Variants in CR1 observed in about 807,000 individuals in gnomAD.
CR1 encodes complement C3b/C4b receptor 1 (Knops blood group).
CR1 carries 116 observed loss-of-function variants against 187.3 expected under a neutral mutation model. That is an observed-to-expected ratio of 0.62 (90% confidence interval 0.53 to 0.72). The LOEUF (loss-of-function observed/expected upper bound fraction) is 0.72. CR1 is among the 30% of genes least tolerant of loss of function. The probability of loss-of-function intolerance (pLI) is 0.00; values close to 1 mark genes in which losing one functional copy is unlikely to be tolerated. For missense variants in CR1, 1,731 were observed against 2,110.7 expected (o/e 0.82, Z 3.52); for synonymous variants, 576 against 747.1 (o/e 0.77, Z 3.73).
chr1:207,587,492 G>A lies in CR1; in HGVS notation c.5637G>A (p.Gly1879=). 6.2e-7 allele frequency: 1 copy of A among 1,613,974 alleles called. No homozygotes were observed. Residue 1879 remains glycine (G), a synonymous_variant, in exon 34 of 47, where the codon GGG becomes GGA. Transcript: ENST00000367049. ...CTTTGAATTATGAATGCCGTCCTGG[G>A]TATTTTGGGAAAATGTTCTCTATCT... ...GTSLNYECRP[G]YFGKMFSISC...
At chr1:207,616,275 G>C (rs1182704769) in intron 40 of CR1, among the ~76,000 whole-genome samples, 1 of 152,076 alleles carries the variant, frequency 6.6e-6, no homozygotes, top group South Asian at 2.1e-4. Flanking sequence ...AGTTAAAGTA[G>C]ACAACCAAAT....
intron 35 of CR1, among the ~76,000 whole-genome samples, chr1:207,601,638 GT>G (rs1661608956): frequency 6.6e-6 from 1 of 152,084 alleles, no homozygotes. Flanking sequence ...GCTGAAGTCA[GT>G]TTGATTTACA....
At chr1:207,582,451 A>G (rs529595062) in intron 32 of CR1, among the ~76,000 whole-genome samples, 1 of 152,350 alleles carries the variant, frequency 6.6e-6, no homozygotes, top group South Asian at 2.1e-4. Flanking sequence ...AACAAGACAG[A>G]TAAGTCCATG....
Position 207,614,298 on chromosome 1 carries a change from A to G in CR1, c.6576-106A>G, listed in dbSNP as rs546439932. 11 of 830,550 alleles carry G rather than the reference A, an allele frequency of 1.3e-5. No individual in the cohort carries two copies. In the African/African-American group the frequency reaches 1.9e-4, roughly 14 times the overall value. The allele number at this position is 830,550 out of a possible 1,614,324, so 51.4% of individuals were successfully genotyped here. A position where few individuals can be genotyped will look rare whatever the true frequency, so the allele number is the denominator to read the frequency against. On this transcript the variant is annotated intron_variant, in intron 39 of 46. Transcript: ENST00000367049. ...GGCCTGAACCTAAGACCTAAATGAT[A>G]GTCGAGGAGGAAATGGTAGTGAGGA... is the stretch of plus-strand genomic sequence containing the variant.
At chr1:207,518,336 T>C (rs892214153) in intron 4 of CR1, among the ~76,000 whole-genome samples, 3 of 152,240 alleles carry the variant, frequency 2.0e-5, no homozygotes, top group Non-Finnish European at 1.5e-5. Flanking sequence ...AAATGTTACA[T>C]ATGCACTTGA....
At chr1:207,525,088 A>G (rs1660127078) in intron 5 of CR1, among the ~76,000 whole-genome samples, 1 of 152,066 alleles carries the variant, frequency 6.6e-6, no homozygotes, top group South Asian at 2.1e-4. Context: ...CAGAGGTGCT[A>G]CACACTTTGG....
chr1:207,504,584 C>T (rs769819298), intron 1 of CR1, among the ~76,000 whole-genome samples: 17 of 152,034 alleles, frequency 1.1e-4, no homozygotes, highest in Non-Finnish European at 1.5e-5. Context: ...ATTGGATTCA[C>T]TGACCTTGTT....
chr1:207,589,532 C>T (rs531807439), intron 35 of CR1, among the ~76,000 whole-genome samples: 3 of 152,218 alleles, frequency 2.0e-5, no homozygotes, highest in African/African-American at 7.2e-5. Flanking sequence ...CTGAAAATTC[C>T]CGAAACCAGA....
intron 1 of CR1, 92 bp downstream of exon 1, chr1:207,496,480 T>A: frequency 2.3e-6 from 3 of 1,317,314 alleles, no homozygotes; most frequent in Non-Finnish European, 3.0e-6. Flanking sequence ...GCTGCGCTGC[T>A]CTGCGCGCCC....
intron 4 of CR1, among the ~76,000 whole-genome samples, chr1:207,512,562 T>G (rs1253354854): frequency 1.3e-5 from 2 of 152,254 alleles, no homozygotes; most frequent in Non-Finnish European, 2.9e-5. Flanking sequence ...TTTGGATAAC[T>G]GGACTCCTTT....
chr1:207,627,471 A>G (rs1662517574), intron 45 of CR1, among the ~76,000 whole-genome samples: 3 of 152,252 alleles, frequency 2.0e-5, no homozygotes, highest in Admixed American at 2.0e-4. Context: ...GTAATTCTCT[A>G]CCAAGTTGAA....
rs199499948 is a variant in CR1 at position 207,542,523 on chromosome 1, C to T, written c.2179C>T (p.Arg727Cys). The T allele has an allele frequency of 4.9e-6, 3 of 607,492 alleles. No homozygotes were observed. In the East Asian group the frequency reaches 9.1e-5, roughly 18 times the overall value. The allele number at this position is 607,492 out of a possible 1,614,324, so 37.6% of individuals were successfully genotyped here. The change falls in exon 13 of 47, where the codon CGT (arginine) becomes TGT (cysteine). Residue 727 changes from arginine to cysteine, a missense_variant. Arg to Cys is a radical substitution (Grantham distance 180). Coordinates refer to ENST00000367049, the MANE Select transcript of CR1 (RefSeq NM_000651.6). ...TGGCTTTGTCATGAAAGGACCCCGC[C>T]GTGTGAAGTGCCAGGCCCTGAACAA... ...QPGFVMKGPR[R>C]VKCQALNKWE...
intron 4 of CR1, among the ~76,000 whole-genome samples, chr1:207,523,075 A>G (rs1413223441): frequency 1.3e-5 from 2 of 152,090 alleles, no homozygotes; most frequent in African/African-American, 4.8e-5. Context: ...GGTAATTTGT[A>G]TTTCCATTTA....
intron 5 of CR1, 73 bp downstream of exon 5, chr1:207,524,082 G>T: frequency 6.2e-7 from 1 of 1,611,472 alleles, no homozygotes; most frequent in Non-Finnish European, 8.5e-7. Context: ...ATTAGTATTT[G>T]TTCAGGGGGA....
intron 27 of CR1, among the ~76,000 whole-genome samples, chr1:207,573,211 C>A (rs1451242304): frequency 1.3e-5 from 2 of 152,038 alleles, no homozygotes; most frequent in Non-Finnish European, 2.9e-5. Flanking sequence ...CTGCCTCAAT[C>A]TCATTCTTCA....
intron 23 of CR1, among the ~76,000 whole-genome samples, chr1:207,565,040 T>C (rs1660450853): frequency 6.7e-6 from 1 of 150,084 alleles, no homozygotes; most frequent in African/African-American, 2.5e-5. Flanking sequence ...GGCTCTGAGC[T>C]GGGGTCGTGA....
chr1:207,595,988 T>A (rs1661426570), intron 35 of CR1, among the ~76,000 whole-genome samples: 1 of 149,820 alleles, frequency 6.7e-6, no homozygotes, highest in Admixed American at 6.6e-5. Context: ...GGGACACATA[T>A]TCTTGACATA....
At chr1:207,504,884 G>T (rs906093013) in intron 1 of CR1, among the ~76,000 whole-genome samples, 4 of 152,144 alleles carry the variant, frequency 2.6e-5, no homozygotes, top group Admixed American at 2.6e-4. Flanking sequence ...TAGGAGGTGA[G>T]CAGCCAAGCA....
Position 207,567,894 on chromosome 1 carries a change from C to T in CR1, c.4023C>T (p.Pro1341=). ...RHTGKPLEVF[P]FGKAVNYTCD... ...CAGGAAAACCTCTGGAAGTCTTTCC[C>T]TTTGGAAAAGCAGTAAATTACACAT... The change falls in exon 25 of 47, where the codon CCC becomes CCT. Residue 1341 remains proline, a synonymous_variant. Coordinates refer to ENST00000367049, the MANE Select transcript of CR1 (RefSeq NM_000651.6). The T allele has an allele frequency of 1.2e-6, 2 of 1,610,972 alleles. No homozygotes were observed. The highest frequency in any genetic ancestry group is 1.7e-6 in the Non-Finnish European group (2 of 1,179,650).
Sources: allele counts gnomAD v4.1 joint callset (sites outside exome capture counted in the v4.1 genomes callset), GRCh38; gene constraint gnomAD v4.1.1; transcripts MANE v1.5; gene names NCBI Gene and HGNC (gene_info 2026-07-23, HGNC 2026-07-21).